RNFT2: variants seen among roughly 807,000 people sequenced by gnomAD.
RNFT2 encodes E3 ubiquitin-protein ligase RNFT2.
Under a neutral mutation model 53.0 loss-of-function variants are expected in RNFT2, and 36 were observed. The ratio of observed to expected loss-of-function variants is 0.68; its 90% CI spans 0.52 to 0.90. RNFT2 has a LOEUF of 0.90. Among genes scored for constraint, RNFT2 ranks in the 40% least tolerant of loss-of-function variants. The pLI is 0.00. For missense variants in RNFT2, 514 were observed against 585.6 expected (o/e 0.88, Z 1.26); for synonymous variants, 260 against 253.2 (o/e 1.03, Z -0.26).
At chr12:116,750,922 C>G (rs1171087127) in intron 4 of RNFT2, among the ~76,000 whole-genome samples, 2 of 109,522 alleles carry the variant, frequency 1.8e-5, no homozygotes, top group South Asian at 2.9e-4. Flanking sequence ...TTTTTTGAGA[C>G]AGGGTCTTGC....
At chr12:116,777,102 G>C (rs1358769992) in intron 6 of RNFT2, among the ~76,000 whole-genome samples, 1 of 151,810 alleles carries the variant, frequency 6.6e-6, no homozygotes, top group African/African-American at 2.4e-5. Context: ...ATTTTTAGTA[G>C]AGACAGGGTT....
rs750621237 is a variant in RNFT2, at chr12:116,853,400, G to A, written c.*3952G>A. On this transcript the variant is annotated 3_prime_UTR_variant, in exon 11 of 11. Coordinates refer to ENST00000257575, the MANE Select transcript of RNFT2 (RefSeq NM_001382266.1). ...TAATAAATGTGAGGGAATAAGAAAG[G>A]CAAGCTTTGGACACAGATATGATAG... 14 of 387,840 alleles carry A rather than the reference G, an allele frequency of 3.6e-5. No individual in the cohort carries two copies. The highest frequency in any genetic ancestry group is 2.7e-4 in the Admixed American group (6 of 22,334). The allele number at this position is 387,840 out of a possible 1,614,324, so 24.0% of individuals were successfully genotyped here. A position where few individuals can be genotyped will look rare whatever the true frequency, so the allele number is the denominator to read the frequency against.
intron 10 of RNFT2, among the ~76,000 whole-genome samples, chr12:116,847,518 T>TTC (rs1367765424): frequency 2.8e-5 from 4 of 145,152 alleles, no homozygotes; most frequent in South Asian, 2.2e-4. Context: ...CTCCCTGCCT[T>TTC]TCTCTCTCTC....
intron 5 of RNFT2, among the ~76,000 whole-genome samples, chr12:116,761,095 C>T (rs1226855785): frequency 1.3e-5 from 2 of 152,146 alleles, no homozygotes; most frequent in Admixed American, 6.5e-5. Flanking sequence ...TCCACGTACA[C>T]CTAGCCCAGT....
chr12:116,764,431 A>G (rs1872822236), intron 5 of RNFT2, among the ~76,000 whole-genome samples: 1 of 152,136 alleles, frequency 6.6e-6, no homozygotes, highest in Non-Finnish European at 1.5e-5. Context: ...CTTCTATAGC[A>G]TCGTCTGCTT....
chr12:116,819,897 C>A lies in RNFT2; in HGVS notation c.883-13895C>A, dbSNP rs546921568. On this transcript the variant is annotated intron_variant, in intron 7 of 10. Coordinates refer to ENST00000257575, the MANE Select transcript of RNFT2 (RefSeq NM_001382266.1). ...AGTCACACAGACGATTTTAAATGTT[C>A]TAGTAGTCACGTTAAACAACTAGAA... is the stretch of plus-strand genomic sequence containing the variant. Among the ~76,000 whole-genome samples the A allele has an allele frequency of 3.3e-5, 5 of 152,230 alleles. No individual in the cohort carries two copies. In the South Asian group the frequency reaches 1.0e-3, roughly 32 times the overall value.
intron 6 of RNFT2, among the ~76,000 whole-genome samples, chr12:116,772,534 T>C (rs1370409240): frequency 6.6e-6 from 1 of 151,762 alleles, no homozygotes; most frequent in Non-Finnish European, 1.5e-5. Context: ...CTTCATCTCC[T>C]GACCTCGTGA....
At chr12:116,847,532 C>CT (rs56687861) in intron 10 of RNFT2, among the ~76,000 whole-genome samples, 87,182 of 145,536 alleles carry the variant, frequency 0.6, 29,725 homozygotes, top group Non-Finnish European at 0.76. Flanking sequence ...CTCTCTCTCT[C>CT]TTTTTTTTTT....
At chr12:116,771,782 T>C (rs1873207351) in intron 6 of RNFT2, among the ~76,000 whole-genome samples, 1 of 152,072 alleles carries the variant, frequency 6.6e-6, no homozygotes, top group African/African-American at 2.4e-5. Flanking sequence ...CACAGGAAAT[T>C]GAATGGATTA....
chr12:116,785,277 C>T (rs867503344), intron 7 of RNFT2, among the ~76,000 whole-genome samples: 53 of 48,682 alleles, frequency 1.1e-3, no homozygotes, highest in African/African-American at 1.9e-3. Context: ...GTGTGTGTGG[C>T]GGGGGGGGGT....
chr12:116,740,857 AGAAT>A, intron 2 of RNFT2, 175 bp from the exon 3 acceptor site: 4 of 650,866 alleles, frequency 6.1e-6, no homozygotes. Context: ...CTCATGGGAT[AGAAT>A]GTCACATTGA....
At chr12:116,832,416 G>T (rs1230186092) in intron 7 of RNFT2, among the ~76,000 whole-genome samples, 2 of 152,000 alleles carry the variant, frequency 1.3e-5, no homozygotes, top group Admixed American at 1.3e-4. Flanking sequence ...CTTATTGCTG[G>T]ACAGTATCCT....
chr12:116,753,878 A>T, intron 4 of RNFT2, 106 bp from the exon 5 acceptor site: 1 of 780,154 alleles, frequency 1.3e-6, no homozygotes, highest in East Asian at 2.6e-5. Context: ...CTCTTCTGTC[A>T]ACTCTGAGGG....
At chr12:116,831,763 T>C (rs923936754) in intron 7 of RNFT2, among the ~76,000 whole-genome samples, 1 of 151,442 alleles carries the variant, frequency 6.6e-6, no homozygotes, top group Admixed American at 6.6e-5. Flanking sequence ...ATGTTAGGAG[T>C]GTATATTTCA....
At chr12:116,824,337 C>A (rs1876210127) in intron 7 of RNFT2, among the ~76,000 whole-genome samples, 1 of 152,200 alleles carries the variant, frequency 6.6e-6, no homozygotes, top group Non-Finnish European at 1.5e-5. Context: ...GCAAATATTT[C>A]TTGGTCACCT....
At chr12:116,743,423 C>A (rs947274069) in intron 3 of RNFT2, among the ~76,000 whole-genome samples, 18 of 151,858 alleles carry the variant, frequency 1.2e-4, no homozygotes, top group African/African-American at 4.3e-4. Context: ...CGCACCACCA[C>A]GTTTGGCTAA....
At chr12:116,768,235 G>A (rs1437543225) in intron 6 of RNFT2, among the ~76,000 whole-genome samples, 4 of 151,930 alleles carry the variant, frequency 2.6e-5, no homozygotes, top group Middle Eastern at 6.8e-3. Flanking sequence ...TGAGTAGCTG[G>A]GATTACAGGC....
chr12:116,784,142 A>G (rs1873827015), intron 7 of RNFT2, among the ~76,000 whole-genome samples: 1 of 152,250 alleles, frequency 6.6e-6, no homozygotes, highest in South Asian at 2.1e-4. Context: ...TGCTGTAGTC[A>G]GAACAGAGAT....
chr12:116,819,226 G>C (rs549073158), intron 7 of RNFT2, among the ~76,000 whole-genome samples: 49 of 152,358 alleles, frequency 3.2e-4, no homozygotes, highest in African/African-American at 1.2e-3. Flanking sequence ...AAATAAGAGA[G>C]CGGGGAGTGG....
Sources: gnomAD v4.1 joint callset for allele counts (sites outside exome capture counted in the v4.1 genomes callset) on GRCh38, gnomAD v4.1.1 for gene constraint, MANE v1.5 for transcripts, NCBI Gene and HGNC (gene_info 2026-07-23, HGNC 2026-07-21) for gene names.